The following ARHGAP26 variants were observed in gnomAD, a reference collection of about 807,000 sequenced individuals.
ARHGAP26 encodes the protein rho GTPase-activating protein 26.
Under a neutral mutation model 104.8 loss-of-function variants are expected in ARHGAP26, and 38 were observed. That is an observed-to-expected ratio of 0.36 (90% CI 0.28 to 0.48). The LOEUF is 0.48. ARHGAP26 is among the 20% of genes least tolerant of loss of function. ARHGAP26 has a pLI of 0.99. For synonymous variants in ARHGAP26, 341 were observed against 340.0 expected (o/e 1.00, Z -0.03); for missense variants, 704 against 947.9 (o/e 0.74, Z 3.38).
intron 11 of ARHGAP26, 29 bp from the exon 12 acceptor site, chr5:143,014,051 A>G (rs1779249277): frequency 6.2e-7 from 1 of 1,611,248 alleles, no homozygotes; most frequent in Non-Finnish European, 8.5e-7. Context: ...TAAAATGCAC[A>G]TAAGTGAATT....
intron 20 of ARHGAP26, among the ~76,000 whole-genome samples, 184 bp from the exon 21 acceptor site, chr5:143,207,014 G>A (rs938875155): frequency 2.0e-5 from 3 of 152,248 alleles, no homozygotes; most frequent in South Asian, 2.1e-4. Flanking sequence ...TTACAGAACA[G>A]ACGTTTACTT....
At chr5:143,007,293 T>C (rs1415966909) in intron 11 of ARHGAP26, among the ~76,000 whole-genome samples, 1 of 152,114 alleles carries the variant, frequency 6.6e-6, no homozygotes, top group Non-Finnish European at 1.5e-5. Flanking sequence ...ACAGAGTCTT[T>C]GGCAACCCTG....
intron 11 of ARHGAP26, among the ~76,000 whole-genome samples, chr5:142,986,614 CTTCTAGGGTTTTT>C (rs904098279): frequency 6.6e-6 from 1 of 152,158 alleles, no homozygotes; most frequent in African/African-American, 2.4e-5. Flanking sequence ...GCTAGGTTTT[CTTCTAGGGTTTTT>C]ATGGATTTAG....
intron 11 of ARHGAP26, among the ~76,000 whole-genome samples, chr5:142,948,415 T>C (rs1767501898): frequency 6.6e-6 from 1 of 151,422 alleles, no homozygotes; most frequent in African/African-American, 2.4e-5. Context: ...ATTAAATATA[T>C]ATATATATAA....
chr5:143,073,907 C>A (rs534319542), intron 17 of ARHGAP26, among the ~76,000 whole-genome samples: 31 of 152,354 alleles, frequency 2.0e-4, no homozygotes, highest in African/African-American at 7.0e-4. Flanking sequence ...TACAGCAGGA[C>A]TGGGTAGGAC....
chr5:142,932,984 T>C (rs1349440991), intron 11 of ARHGAP26, among the ~76,000 whole-genome samples: 1 of 152,266 alleles, frequency 6.6e-6, no homozygotes, highest in Non-Finnish European at 1.5e-5. Flanking sequence ...CATTTAATAA[T>C]ATAGAGCAAG....
intron 1 of ARHGAP26, among the ~76,000 whole-genome samples, chr5:142,807,590 C>T (rs890024418): frequency 5.8e-4 from 89 of 152,214 alleles, no homozygotes; most frequent in African/African-American, 1.8e-3. Context: ...TGTCTACAGA[C>T]GGCTCTATTG....
At chr5:143,198,169 C>T (rs538338046) in intron 20 of ARHGAP26, among the ~76,000 whole-genome samples, 1 of 152,174 alleles carries the variant, frequency 6.6e-6, no homozygotes, top group Admixed American at 6.5e-5. Context: ...TTGGCAAGCA[C>T]AATATCTTCA....
chr5:142,854,014 A>G (rs1751957024), intron 1 of ARHGAP26, among the ~76,000 whole-genome samples: 1 of 152,238 alleles, frequency 6.6e-6, no homozygotes. Context: ...GTTTATGACT[A>G]CAAGAACCTT....
At chr5:142,928,176 G>A (rs1314243157) in intron 10 of ARHGAP26, among the ~76,000 whole-genome samples, 1 of 150,354 alleles carries the variant, frequency 6.7e-6, no homozygotes, top group South Asian at 2.1e-4. Flanking sequence ...TCATTTTGGT[G>A]AAGTCCAATT....
chr5:143,041,189 A>T (rs1783416061), intron 13 of ARHGAP26, among the ~76,000 whole-genome samples: 1 of 152,222 alleles, frequency 6.6e-6, no homozygotes, highest in African/African-American at 2.4e-5. Context: ...GAAACACTGC[A>T]GTGGATTAGT....
At chr5:142,947,261 A>G (rs916036124) in intron 11 of ARHGAP26, among the ~76,000 whole-genome samples, 2 of 152,194 alleles carry the variant, frequency 1.3e-5, no homozygotes, top group African/African-American at 4.8e-5. Context: ...AACTAAGGAA[A>G]TCATCAACAT....
intron 17 of ARHGAP26, among the ~76,000 whole-genome samples, chr5:143,080,843 C>A (rs1789702075): frequency 6.6e-6 from 1 of 152,132 alleles, no homozygotes; most frequent in Admixed American, 6.5e-5. Context: ...ATGAGCTGAA[C>A]AGGAGCTAGT....
chr5:143,219,382 G>T (rs1810839719), intron 22 of ARHGAP26, among the ~76,000 whole-genome samples: 1 of 152,330 alleles, frequency 6.6e-6, no homozygotes, highest in South Asian at 2.1e-4. Flanking sequence ...AGGCAGAAGG[G>T]AGTTACTGAA....
Position 142,913,301 on chromosome 5 carries a change from G to A in ARHGAP26, c.1028+8G>A, listed in dbSNP as rs1762072812. 2.5e-6 allele frequency: 4 copies of A among 1,612,214 alleles called. No homozygotes were observed. In the South Asian group the frequency reaches 3.3e-5, roughly 13 times the overall value. Reference sequence around the variant, plus strand: ...TGTGGAAGCAGTAGACAGGTGAGTAGCTAGCATGCTTTTCTCAGGAGCAAA... The same window carrying A: ...TGTGGAAGCAGTAGACAGGTGAGTAACTAGCATGCTTTTCTCAGGAGCAAA... On this transcript the variant is annotated splice_region_variant and intron_variant, in intron 10 of 22. Coordinates refer to ENST00000645722, the MANE Select transcript of ARHGAP26 (RefSeq NM_001135608.3).
intron 1 of ARHGAP26, among the ~76,000 whole-genome samples, chr5:142,836,841 G>T (rs540021024): frequency 7.2e-5 from 11 of 152,232 alleles, no homozygotes; most frequent in African/African-American, 2.4e-4. Flanking sequence ...TTATGAGATT[G>T]GTATTATCGT....
chr5:143,138,037 C>A (rs1253411402), intron 19 of ARHGAP26, among the ~76,000 whole-genome samples: 1 of 152,192 alleles, frequency 6.6e-6, no homozygotes, highest in Admixed American at 6.5e-5. Context: ...GTCTTATTTG[C>A]CAGAAGGGGT....
At chr5:142,852,042 G>A (rs924306586) in intron 1 of ARHGAP26, among the ~76,000 whole-genome samples, 4 of 152,170 alleles carry the variant, frequency 2.6e-5, no homozygotes, top group African/African-American at 9.7e-5. Flanking sequence ...TGACAGTCTC[G>A]CTCCTTCCGG....
At chr5:143,034,713 A>G (rs1430171147) in intron 12 of ARHGAP26, among the ~76,000 whole-genome samples, 1 of 152,176 alleles carries the variant, frequency 6.6e-6, no homozygotes, top group East Asian at 1.9e-4. Context: ...GTATAGTTAA[A>G]ATGGGTAAAC....
Sources: gnomAD v4.1 joint callset for allele counts (sites outside exome capture counted in the v4.1 genomes callset) on GRCh38, gnomAD v4.1.1 for gene constraint, MANE v1.5 for transcripts, NCBI Gene and HGNC (gene_info 2026-07-23, HGNC 2026-07-21) for gene names.